GALNTL6: variants seen among roughly 807,000 people sequenced by gnomAD.
The protein encoded by GALNTL6 is polypeptide N-acetylgalactosaminyltransferase like 6.
GALNTL6 carries 46 observed loss-of-function variants against 73.7 expected under a neutral mutation model. That is an observed-to-expected ratio of 0.62 (90% confidence interval 0.49 to 0.80). The LOEUF (loss-of-function observed/expected upper bound fraction) is 0.80, where lower values mean the gene tolerates loss of function less well. Ranked by LOEUF, GALNTL6 falls within the 30% of genes least tolerant of loss-of-function variation. The pLI, the probability that GALNTL6 is intolerant of heterozygous loss-of-function variation, is 0.00. For missense variants in GALNTL6, 604 were observed against 755.0 expected, an observed-to-expected ratio of 0.80 and a Z score of 2.34; for synonymous variants, 259 against 263.7, an observed-to-expected ratio of 0.98 and a Z score of 0.17.
intron 2 of GALNTL6, among the ~76,000 whole-genome samples, chr4:171,824,077 T>TATATATATATATATA (rs1734757504): frequency 7.7e-6 from 1 of 129,218 alleles, no homozygotes; most frequent in Admixed American, 7.6e-5. Context: ...CAAATCCATT[T>TATATATATATATATA]TATATATATA....
chr4:171,897,261 G>T (rs1736949592), intron 2 of GALNTL6, among the ~76,000 whole-genome samples: 1 of 152,102 alleles, frequency 6.6e-6, no homozygotes, highest in African/African-American at 2.4e-5. Context: ...GGTGATAGAA[G>T]ATTGGCATTC....
chr4:172,257,608 G>A (rs1268047901), intron 3 of GALNTL6, among the ~76,000 whole-genome samples: 1 of 151,280 alleles, frequency 6.6e-6, no homozygotes, highest in Middle Eastern at 3.2e-3. Context: ...GAAAGCAGAG[G>A]TGTTTAGTAA....
At chr4:172,381,290 A>G (rs1214038001) in intron 5 of GALNTL6, among the ~76,000 whole-genome samples, 2 of 152,148 alleles carry the variant, frequency 1.3e-5, no homozygotes, top group African/African-American at 4.8e-5. Context: ...CCTAGCATGA[A>G]ATTGACCATA....
At chr4:172,936,033 T>C (rs1748600153) in intron 9 of GALNTL6, among the ~76,000 whole-genome samples, 1 of 152,120 alleles carries the variant, frequency 6.6e-6, no homozygotes, top group African/African-American at 2.4e-5. Flanking sequence ...AAATCCTCAA[T>C]AAAATACTGG....
intron 6 of GALNTL6, among the ~76,000 whole-genome samples, chr4:172,812,169 G>A (rs531501174): frequency 2.6e-5 from 4 of 152,118 alleles, no homozygotes; most frequent in South Asian, 2.1e-4. Flanking sequence ...CAGTGTCATC[G>A]AAATAAAGCC....
At chr4:172,292,189 A>G (rs1020591945) in intron 3 of GALNTL6, among the ~76,000 whole-genome samples, 1 of 152,100 alleles carries the variant, frequency 6.6e-6, no homozygotes, top group Non-Finnish European at 1.5e-5. Context: ...CATGTAAACT[A>G]TATTTTTAAA....
At chr4:172,588,289 G>C (rs78471849) in intron 5 of GALNTL6, among the ~76,000 whole-genome samples, 4,659 of 152,058 alleles carry the variant, frequency 0.031, 110 homozygotes, top group South Asian at 0.088. Flanking sequence ...TGTGGCAGAA[G>C]ACACATTAAA....
In GALNTL6 at chr4:172,236,513, T is replaced by A. The variant is rs200201870; in HGVS notation, c.247+6749T>A. ...AGGCAGGGCTTGCAGTGAGCCAAGA[T>A]GCGCCACTGCACTCCAGCCTGGGCG... is the stretch of plus-strand genomic sequence containing the variant. On this transcript the variant is annotated intron_variant, in intron 3 of 12. Transcript: ENST00000506823. 4.1e-5 allele frequency among the ~76,000 whole-genome samples: 6 copies of A among 146,662 alleles called. No individual in the cohort carries two copies. The East Asian group carries it at 1.2e-3, about 30-fold the overall frequency.
In GALNTL6 at chr4:172,929,970, C is replaced by T. The variant is rs542742742; in HGVS notation, c.1042-1191C>T. Among the ~76,000 whole-genome samples the T allele has an allele frequency of 2.1e-3, 320 of 152,204 alleles. 1 individual carries two copies. The highest frequency in any genetic ancestry group is 6.1e-3 in the African/African-American group (255 of 41,532). ...TAAAATATAACCATGACTTTTGTTA[C>T]TAAATATAAAAGTACAGCATCTAGG... On this transcript the variant is annotated intron_variant, in intron 8 of 12. Coordinates refer to ENST00000506823, the MANE Select transcript of GALNTL6 (RefSeq NM_001034845.3).
intron 2 of GALNTL6, among the ~76,000 whole-genome samples, chr4:172,012,495 C>T (rs1741043835): frequency 6.6e-6 from 1 of 152,088 alleles, no homozygotes; most frequent in African/African-American, 2.4e-5. Flanking sequence ...TTGACTTCTA[C>T]TATCAGAAGC....
chr4:172,104,981 A>G (rs1365040107), intron 2 of GALNTL6, among the ~76,000 whole-genome samples: 1 of 152,194 alleles, frequency 6.6e-6, no homozygotes, highest in Non-Finnish European at 1.5e-5. Context: ...ATATAGAAAC[A>G]AATTGCCTTG....
At chr4:172,283,667 C>CTAA (rs1579331204) in intron 3 of GALNTL6, among the ~76,000 whole-genome samples, 1 of 151,862 alleles carries the variant, frequency 6.6e-6, no homozygotes, top group Admixed American at 6.6e-5. Flanking sequence ...CAATTTAATG[C>CTAA]TAATAATAAT....
At chr4:172,886,013 G>A (rs142596727) in intron 8 of GALNTL6, among the ~76,000 whole-genome samples, 1 of 152,228 alleles carries the variant, frequency 6.6e-6, no homozygotes, top group Non-Finnish European at 1.5e-5. Flanking sequence ...ATTTTTTTGT[G>A]TGTGTACCTG....
intron 5 of GALNTL6, among the ~76,000 whole-genome samples, chr4:172,523,632 T>A (rs1734857541): frequency 6.6e-6 from 1 of 152,140 alleles, no homozygotes; most frequent in Non-Finnish European, 1.5e-5. Flanking sequence ...CCCAAAATGC[T>A]GGGATTACAG....
chr4:171,997,460 G>A (rs1454528902), intron 2 of GALNTL6, among the ~76,000 whole-genome samples: 2 of 152,132 alleles, frequency 1.3e-5, no homozygotes, highest in South Asian at 2.1e-4. Context: ...AACCTGTTGA[G>A]CATCATAGCT....
intron 5 of GALNTL6, among the ~76,000 whole-genome samples, chr4:172,531,969 G>A (rs1383624711): frequency 6.6e-6 from 1 of 152,190 alleles, no homozygotes; most frequent in Non-Finnish European, 1.5e-5. Context: ...AAGAGTTTCT[G>A]GACAGCAACC....
intron 2 of GALNTL6, among the ~76,000 whole-genome samples, chr4:171,832,424 C>T (rs1404879242): frequency 6.6e-6 from 1 of 150,748 alleles, no homozygotes; most frequent in African/African-American, 2.4e-5. Flanking sequence ...TTGTTTATGG[C>T]AAGTTTTGGA....
At chr4:172,309,054 A>AG (rs1740257254) in intron 3 of GALNTL6, among the ~76,000 whole-genome samples, 2 of 148,642 alleles carry the variant, frequency 1.3e-5, no homozygotes, top group South Asian at 4.3e-4. Flanking sequence ...GAAATCAAAC[A>AG]GGGAAGCAAA....
At chr4:172,158,445 C>A (rs910250512) in intron 2 of GALNTL6, among the ~76,000 whole-genome samples, 6 of 151,694 alleles carry the variant, frequency 4.0e-5, no homozygotes, top group African/African-American at 1.5e-4. Flanking sequence ...AAACTTTTCC[C>A]TGACTTTTCC....
Sources: allele counts gnomAD v4.1 joint callset (sites outside exome capture counted in the v4.1 genomes callset), GRCh38; gene constraint gnomAD v4.1.1; transcripts MANE v1.5; gene names NCBI Gene and HGNC (gene_info 2026-07-23, HGNC 2026-07-21).